Variants in PLCB1 observed in about 807,000 individuals in gnomAD.
PLCB1 encodes the protein phospholipase C beta 1.
PLCB1 carries 46 observed loss-of-function variants against 161.8 expected under a neutral mutation model. The ratio of observed to expected loss-of-function variants is 0.28; its 90% CI spans 0.22 to 0.36. PLCB1 has a LOEUF of 0.36. Ranked by LOEUF, PLCB1 falls within the 10% of genes least tolerant of loss-of-function variation. The probability of loss-of-function intolerance (pLI) is 1.00; values close to 1 mark genes in which losing one functional copy is unlikely to be tolerated. For missense variants in PLCB1, 1,016 were observed against 1,472.5 expected (o/e 0.69, Z 5.07); for synonymous variants, 517 against 503.7 (o/e 1.03, Z -0.35).
intron 2 of PLCB1, among the ~76,000 whole-genome samples, chr20:8,180,104 C>T (rs974678867): frequency 3.3e-5 from 5 of 151,894 alleles, no homozygotes; most frequent in African/African-American, 9.7e-5. Context: ...GTGATCCGCC[C>T]GCCTCGGCCT....
intron 15 of PLCB1, among the ~76,000 whole-genome samples, chr20:8,724,083 G>A (rs1041566360): frequency 1.3e-5 from 2 of 151,640 alleles, no homozygotes; most frequent in African/African-American, 4.8e-5. Context: ...GGAGGAGGGA[G>A]AGGATCAGGA....
intron 9 of PLCB1, among the ~76,000 whole-genome samples, chr20:8,677,713 G>A (rs1173211195): frequency 6.6e-6 from 1 of 152,028 alleles, no homozygotes; most frequent in Non-Finnish European, 1.5e-5. Flanking sequence ...AAAAGACAGT[G>A]GAGCAAATTT....
At chr20:8,666,397 G>A (rs1190675150) in intron 9 of PLCB1, among the ~76,000 whole-genome samples, 1 of 152,128 alleles carries the variant, frequency 6.6e-6, no homozygotes, top group Non-Finnish European at 1.5e-5. Context: ...AGATGGGTAA[G>A]GTCAGAGTTG....
At chr20:8,133,448 T>C (rs2051313520) in intron 1 of PLCB1, among the ~76,000 whole-genome samples, 1 of 152,006 alleles carries the variant, frequency 6.6e-6, no homozygotes, top group African/African-American at 2.4e-5. Context: ...ACTGAGCTGA[T>C]TGGAGTCTTC....
intron 3 of PLCB1, among the ~76,000 whole-genome samples, chr20:8,418,594 TTA>T (rs1442754362): frequency 6.6e-6 from 1 of 152,104 alleles, no homozygotes; most frequent in Admixed American, 6.5e-5. Flanking sequence ...TATAAATTAC[TTA>T]TATATTTTTA....
At chr20:8,197,218 G>A (rs980045042) in intron 2 of PLCB1, among the ~76,000 whole-genome samples, 5 of 152,064 alleles carry the variant, frequency 3.3e-5, no homozygotes, top group Non-Finnish European at 4.4e-5. Context: ...GGTATTTCTA[G>A]TTCTAGATCC....
chr20:8,580,214 A>G (rs1986791914), intron 3 of PLCB1, among the ~76,000 whole-genome samples: 1 of 152,232 alleles, frequency 6.6e-6, no homozygotes, highest in African/African-American at 2.4e-5. Flanking sequence ...CCCACATGTC[A>G]AAGCATCAAA....
At chr20:8,779,114 C>T (rs912801577) in intron 27 of PLCB1, among the ~76,000 whole-genome samples, 3 of 152,088 alleles carry the variant, frequency 2.0e-5, no homozygotes, top group Non-Finnish European at 4.4e-5. Context: ...CCCAAAATTG[C>T]TTTGGGGATT....
intron 1 of PLCB1, among the ~76,000 whole-genome samples, chr20:8,139,564 A>G (rs930623960): frequency 1.3e-4 from 20 of 152,004 alleles, no homozygotes; most frequent in African/African-American, 4.4e-4. Context: ...GAAGATTAAG[A>G]TATTATTTTG....
rs1242447254 is a variant in PLCB1, at chr20:8,279,081, T to C, written c.178-92301T>C. Among the ~76,000 whole-genome samples, 3 of 152,202 alleles carry C rather than the reference T, an allele frequency of 2.0e-5. No individual in the cohort carries two copies. The East Asian group carries it at 5.8e-4, about 29-fold the overall frequency. The stretch of plus-strand genomic sequence containing the variant: ...GGAATGTAAAATGGTCCAGCTGCTG[T>C]GGAAAAAAGTTTATCCATTCCTCAA... On this transcript the variant is annotated intron_variant, in intron 2 of 31. Coordinates refer to ENST00000338037, the MANE Select transcript of PLCB1 (RefSeq NM_015192.4).
chr20:8,795,734 G>C (rs1167681585), intron 31 of PLCB1, among the ~76,000 whole-genome samples: 1 of 152,132 alleles, frequency 6.6e-6, no homozygotes, highest in Non-Finnish European at 1.5e-5. Flanking sequence ...AATTAGCCAG[G>C]TGTGGTGGTG....
chr20:8,574,145 G>C (rs1986604801), intron 3 of PLCB1, among the ~76,000 whole-genome samples: 2 of 152,228 alleles, frequency 1.3e-5, no homozygotes, highest in African/African-American at 4.8e-5. Context: ...GCTTATGCCT[G>C]TGATCCCAGC....
intron 27 of PLCB1, among the ~76,000 whole-genome samples, chr20:8,778,935 T>C (rs570153103): frequency 6.6e-6 from 1 of 152,204 alleles, no homozygotes; most frequent in Admixed American, 6.5e-5. Context: ...AGGAAATCTT[T>C]TGACTGAAAG....
At chr20:8,422,301 C>T (rs543300153) in intron 3 of PLCB1, among the ~76,000 whole-genome samples, 1 of 152,298 alleles carries the variant, frequency 6.6e-6, no homozygotes, top group African/African-American at 2.4e-5. Flanking sequence ...TCCAGAATTG[C>T]AGCTTGGCTT....
chr20:8,134,457 G>A (rs1485184890), intron 1 of PLCB1, among the ~76,000 whole-genome samples: 1 of 152,176 alleles, frequency 6.6e-6, no homozygotes, highest in Non-Finnish European at 1.5e-5. Context: ...TCTTGTTTGG[G>A]AGAGAATAGC....
chr20:8,719,531 G>A (rs963237969), intron 14 of PLCB1, among the ~76,000 whole-genome samples: 2 of 152,092 alleles, frequency 1.3e-5, no homozygotes. Flanking sequence ...ATAATATTGA[G>A]CAAAGGAAGT....
intron 23 of PLCB1, among the ~76,000 whole-genome samples, chr20:8,755,620 G>A (rs558406470): frequency 4.6e-5 from 7 of 152,292 alleles, no homozygotes; most frequent in African/African-American, 1.4e-4. Flanking sequence ...CTGCTGGAGG[G>A]TGTCGAATGA....
At chr20:8,367,734 T>G (rs1167815809) in intron 2 of PLCB1, among the ~76,000 whole-genome samples, 1 of 152,220 alleles carries the variant, frequency 6.6e-6, no homozygotes, top group Non-Finnish European at 1.5e-5. Flanking sequence ...ACTGCTTTAT[T>G]GTAATGAGTT....
At position 8,628,451 on chromosome 20, in the gene PLCB1, CTAAAGCT is replaced by C. The variant is rs752473983; in HGVS notation, c.384+23_384+29del. 6.2e-7 allele frequency: 1 copy of C among 1,613,158 alleles called. No individual in the cohort carries two copies. The highest frequency in any genetic ancestry group is 8.5e-7 in the Non-Finnish European group (1 of 1,179,262). ...GCCAAGGTATGGTGGATGGAAATTGCTAAAGCTTATCATCATGATCTGAATCCTTGAG... is the reference window on the plus strand; with the variant it reads ...GCCAAGGTATGGTGGATGGAAATTGCTATCATCATGATCTGAATCCTTGAG... On this transcript the variant is annotated intron_variant, in intron 4 of 31. Coordinates refer to ENST00000338037, the MANE Select transcript of PLCB1 (RefSeq NM_015192.4).
Sources: gnomAD v4.1 joint callset for allele counts (sites outside exome capture counted in the v4.1 genomes callset) on GRCh38, gnomAD v4.1.1 for gene constraint, MANE v1.5 for transcripts, NCBI Gene and HGNC (gene_info 2026-07-23, HGNC 2026-07-21) for gene names.